The following STX11 variants were observed in gnomAD, a reference collection of about 807,000 sequenced individuals.
STX11 encodes the protein syntaxin-11.
In STX11, 21 loss-of-function variants were observed where a neutral mutation model predicts 19.9. That is an observed-to-expected ratio of 1.06 (90% CI 0.75 to 1.52). STX11 has a LOEUF of 1.52. Ranked by LOEUF, STX11 falls within the 40% of genes most tolerant of loss-of-function variation. The pLI, the probability that STX11 is intolerant of heterozygous loss-of-function variation, is 0.00. For missense variants in STX11, 438 were observed against 405.9 expected, an observed-to-expected ratio of 1.08 and a Z score of -0.68; for synonymous variants, 193 against 174.4, an observed-to-expected ratio of 1.11 and a Z score of -0.84.
At chr6:144,143,432 T>C in the STX11 span, among the ~76,000 whole-genome samples, 1 of 152,106 alleles carries the variant, frequency 6.6e-6, no homozygotes, top group African/African-American at 2.4e-5. Flanking sequence ...ATTATAAAGA[T>C]ATGGACAGGG....
chr6:144,174,848 T>C lies in STX11; in HGVS notation c.-5-11775T>C, dbSNP rs945356029. ...ACTATCTGGTACTACAATACTAACA[T>C]TAGGCCAGGCACAGTGGCACACATC... On this transcript the variant is annotated intron_variant, in intron 1 of 1. Transcript: ENST00000367568. This position sits in a 1 kb window ranked among gnomAD's most constrained non-coding sequence, Gnocchi z 5.3. Among the ~76,000 whole-genome samples, 1 of 152,098 alleles carries C rather than the reference T, an allele frequency of 6.6e-6. No individual in the cohort carries two copies. Among genetic ancestry groups the C allele is most frequent in the Non-Finnish European group, 1.5e-5 (1 of 68,002 alleles).
At position 144,170,556 on chromosome 6, in the gene STX11, A is replaced by G. The variant is rs902328020; in HGVS notation, c.-5-16067A>G. Among the ~76,000 whole-genome samples the G allele has an allele frequency of 3.9e-5, 6 of 152,006 alleles. No homozygotes were observed. Among genetic ancestry groups the G allele is most frequent in the African/African-American group, 1.5e-4 (6 of 41,300 alleles). On this transcript the variant is annotated intron_variant, in intron 1 of 1. Transcript: ENST00000367568. The surrounding 1 kb of genome is among the most constrained non-coding windows in gnomAD (Gnocchi z 4.7). The stretch of plus-strand genomic sequence containing the variant: ...AAAGTTTTAGATTTTGGAGCATTTC[A>G]GATTTCAGATTTTCAGATTAGGAAT...
At chr6:144,161,409 C>T (rs1409036011) in intron 1 of STX11, among the ~76,000 whole-genome samples, 1 of 149,974 alleles carries the variant, frequency 6.7e-6, no homozygotes, top group African/African-American at 2.5e-5. Context: ...TCACTGTCGC[C>T]CACGCTGGAG....
In STX11 at chr6:144,187,827, TAATAA is replaced by T; in HGVS notation, c.*338_*342del. 2.3e-6 allele frequency: 1 copy of T among 432,542 alleles called. No homozygotes were observed. Among genetic ancestry groups the T allele is most frequent in the Non-Finnish European group, 4.3e-6 (1 of 229,926 alleles). 26.8% of individuals were successfully genotyped at this position (432,542 alleles called of 1,614,324 possible). On this transcript the variant is annotated 3_prime_UTR_variant, in exon 2 of 2. Coordinates refer to ENST00000367568, the MANE Select transcript of STX11 (RefSeq NM_003764.4). This position sits in a 1 kb window ranked among gnomAD's most constrained non-coding sequence, Gnocchi z 5.6. ...GGGTGAATGTCTGAGGCCTGCCTCCTAATAAAGACTCAAGGAGGAAGTCAATTGGG... is the reference window on the plus strand; with the variant it reads ...GGGTGAATGTCTGAGGCCTGCCTCCTAGACTCAAGGAGGAAGTCAATTGGG...
the STX11 span, among the ~76,000 whole-genome samples, chr6:144,140,971 C>T: frequency 6.6e-6 from 1 of 152,198 alleles, no homozygotes; most frequent in South Asian, 2.1e-4. Flanking sequence ...AGGCTTGTGG[C>T]TAAACTAATA....
At chr6:144,181,456 G>T (rs779098438) in intron 1 of STX11, among the ~76,000 whole-genome samples, 1 of 151,834 alleles carries the variant, frequency 6.6e-6, no homozygotes, top group Non-Finnish European at 1.5e-5. Context: ...TTAGCTGGGC[G>T]TGGTGGTGCA....
chr6:144,186,907 A>G lies in STX11; in HGVS notation c.280A>G (p.Lys94Glu). 6.2e-7 allele frequency: 1 copy of G among 1,611,356 alleles called. No individual in the cohort carries two copies. The highest frequency in any genetic ancestry group is 2.2e-5 in the East Asian group (1 of 44,888). Residue 94 changes from lysine (K) to glutamate (E), a missense_variant, in exon 2 of 2, where the codon AAG (lysine) becomes GAG (glutamate). Transcript: ENST00000367568. ...RDTNSIAKAI[K>E]ARGEVIHCKL... ...CACCAACTCCATCGCCAAGGCCATC[A>G]AGGCCCGGGGCGAGGTCATCCACTG... is the stretch of plus-strand genomic sequence containing the variant.
At position 144,160,192 on chromosome 6, in the gene STX11, A is replaced by G. The variant is rs1463539232; in HGVS notation, c.-6+9489A>G. ...TAATTTTTGTATTTTTTTAGTAGAG[A>G]CGGGGTTTCACTATATTTGGCCAGG... On this transcript the variant is annotated intron_variant, in intron 1 of 1. Transcript: ENST00000367568. This position sits in a 1 kb window ranked among gnomAD's most constrained non-coding sequence, Gnocchi z 4.3. Among the ~76,000 whole-genome samples, 2 of 151,920 alleles carry G rather than the reference A, an allele frequency of 1.3e-5. No homozygotes were observed. The highest frequency in any genetic ancestry group is 2.9e-5 in the Non-Finnish European group (2 of 67,984).
At position 144,155,932 on chromosome 6, in the gene STX11, A is replaced by C. The variant is rs1801124448; in HGVS notation, c.-6+5229A>C. Among the ~76,000 whole-genome samples, 2 of 147,334 alleles carry C rather than the reference A, an allele frequency of 1.4e-5. No homozygotes were observed. Among genetic ancestry groups the C allele is most frequent in the Non-Finnish European group, 3.0e-5 (2 of 67,484 alleles). On this transcript the variant is annotated intron_variant, in intron 1 of 1. Coordinates refer to ENST00000367568, the MANE Select transcript of STX11 (RefSeq NM_003764.4). The surrounding 1 kb of genome is among the most constrained non-coding windows in gnomAD (Gnocchi z 4.5). Reference sequence around the variant, plus strand: ...TTCTTGAGCTAATTAAATGTGTTTTAAAATTTAATCTTTCTTTCTTTCTTT... The same window carrying C: ...TTCTTGAGCTAATTAAATGTGTTTTCAAATTTAATCTTTCTTTCTTTCTTT...
chr6:144,145,087 T>C, the STX11 span, among the ~76,000 whole-genome samples: 1 of 152,192 alleles, frequency 6.6e-6, no homozygotes, highest in Non-Finnish European at 1.5e-5. Flanking sequence ...CAAAGAGATA[T>C]TTGTACACTC....
rs2128759021 is a variant in STX11, at chr6:144,190,935, G to A, written c.*3444G>A. Among the ~76,000 whole-genome samples the A allele has an allele frequency of 6.6e-6, 1 of 152,176 alleles. No homozygotes were observed. The highest frequency in any genetic ancestry group is 2.1e-4 in the South Asian group (1 of 4,818). ...TTTTTCCTTAAGAAATTGTGTTCTAGTGCCACCAAGAGATGCTGTAGAGCT... is the reference window on the plus strand; with the variant it reads ...TTTTTCCTTAAGAAATTGTGTTCTAATGCCACCAAGAGATGCTGTAGAGCT... On this transcript the variant is annotated 3_prime_UTR_variant, in exon 2 of 2. Transcript: ENST00000367568.
chr6:144,150,450 C>T (rs1380382857), upstream of STX11: 1 of 972,202 alleles, frequency 1.0e-6, no homozygotes, highest in Admixed American at 6.2e-5. Flanking sequence ...CGCTGTCATC[C>T]CGGGGCGGGG....
In STX11 at chr6:144,185,249, T is replaced by G. The variant is rs1184363569; in HGVS notation, c.-5-1374T>G. Among the ~76,000 whole-genome samples, 3 of 152,208 alleles carry G rather than the reference T, an allele frequency of 2.0e-5. No individual in the cohort carries two copies. The East Asian group carries it at 5.8e-4, about 29-fold the overall frequency. On this transcript the variant is annotated intron_variant, in intron 1 of 1. Coordinates refer to ENST00000367568, the MANE Select transcript of STX11 (RefSeq NM_003764.4). ...TTTTCCATTTACCACCAAATCCAAC[T>G]TGTCAGCATTCCATTAGTGGTGATA...
rs948310111 is a variant in STX11, at chr6:144,159,530, G to C, written c.-6+8827G>C. 1.6e-4 allele frequency among the ~76,000 whole-genome samples: 24 copies of C among 152,122 alleles called. No homozygotes were observed. Among genetic ancestry groups the C allele is most frequent in the Non-Finnish European group, 2.8e-4 (19 of 68,020 alleles). ...CAAAATTGACTCTGTGTGTGTGTGT[G>C]TGTGTGTCCGTCCAGTATGTGGAAA... On this transcript the variant is annotated intron_variant, in intron 1 of 1. Transcript: ENST00000367568. This position sits in a 1 kb window ranked among gnomAD's most constrained non-coding sequence, Gnocchi z 4.3.
Position 144,159,136 on chromosome 6 carries a change from G to GA in STX11, c.-6+8440dup, listed in dbSNP as rs1476427357. Among the ~76,000 whole-genome samples, 1 of 151,914 alleles carries GA rather than the reference G, an allele frequency of 6.6e-6. No homozygotes were observed. The highest frequency in any genetic ancestry group is 2.4e-5 in the African/African-American group (1 of 41,368). Reference sequence around the variant, plus strand: ...AGACCTAGCCTCATCAAAAATGAGTGAAAAAAATAACGATTCTGGTGAGCG... The same window carrying GA: ...AGACCTAGCCTCATCAAAAATGAGTGAAAAAAAATAACGATTCTGGTGAGCG... On this transcript the variant is annotated intron_variant, in intron 1 of 1. Transcript: ENST00000367568. This position sits in a 1 kb window ranked among gnomAD's most constrained non-coding sequence, Gnocchi z 4.3.
At chr6:144,157,574 A>G (rs987213980) in intron 1 of STX11, among the ~76,000 whole-genome samples, 1 of 152,174 alleles carries the variant, frequency 6.6e-6, no homozygotes, top group African/African-American at 2.4e-5. Flanking sequence ...TTTTTTTCCA[A>G]GGCCCTTAAG....
chr6:144,179,537 T>G (rs1801854706), intron 1 of STX11, among the ~76,000 whole-genome samples: 1 of 152,190 alleles, frequency 6.6e-6, no homozygotes, highest in African/African-American at 2.4e-5. Context: ...TCTAGGTGCC[T>G]CTGGTAGCGG....
At position 144,175,085 on chromosome 6, in the gene STX11, C is replaced by T. The variant is rs1186536398; in HGVS notation, c.-5-11538C>T. Reference sequence around the variant, plus strand: ...CCAATGTAATGAAACCCTGTCTCTACTAACAATGCCAGACATTAGCTGAGC... The same window carrying T: ...CCAATGTAATGAAACCCTGTCTCTATTAACAATGCCAGACATTAGCTGAGC... On this transcript the variant is annotated intron_variant, in intron 1 of 1. Transcript: ENST00000367568. The surrounding 1 kb of genome is among the most constrained non-coding windows in gnomAD (Gnocchi z 5.1). 2.6e-5 allele frequency among the ~76,000 whole-genome samples: 4 copies of T among 152,100 alleles called. No homozygotes were observed. Among genetic ancestry groups the T allele is most frequent in the Non-Finnish European group, 5.9e-5 (4 of 68,016 alleles).
rs9496885 is a variant in STX11 at position 144,155,048 on chromosome 6, G to A, written c.-6+4345G>A. Among the ~76,000 whole-genome samples the A allele has an allele frequency of 0.089, 13,562 of 152,060 alleles. 1,748 individuals are homozygous for A. The highest frequency in any genetic ancestry group is 0.28 in the African/African-American group (11,693 of 41,420). ...TATCCTGATTTTTGTTCAGCAATCA[G>A]GGACTAAGAATTGATCTAGGAAGAA... On this transcript the variant is annotated intron_variant, in intron 1 of 1. Coordinates refer to ENST00000367568, the MANE Select transcript of STX11 (RefSeq NM_003764.4). This position sits in a 1 kb window ranked among gnomAD's most constrained non-coding sequence, Gnocchi z 4.5.
Sources: allele counts gnomAD v4.1 joint callset (sites outside exome capture counted in the v4.1 genomes callset), GRCh38; gene constraint gnomAD v4.1.1; non-coding constraint Gnocchi (gnomAD v3.1); transcripts MANE v1.5; gene names NCBI Gene and HGNC (gene_info 2026-07-23, HGNC 2026-07-21).